The following TDRD3 variants were observed in gnomAD, a reference collection of about 807,000 sequenced individuals.
TDRD3 encodes the protein tudor domain-containing protein 3.
TDRD3 carries 45 observed loss-of-function variants against 86.7 expected under a neutral mutation model. The observed-to-expected ratio is 0.52, with a 90% CI of 0.41 to 0.67. The LOEUF (loss-of-function observed/expected upper bound fraction) is 0.67, where lower values mean the gene tolerates loss of function less well. Among genes scored for constraint, TDRD3 ranks in the 30% least tolerant of loss-of-function variants. The pLI is 0.00. For missense variants in TDRD3, 814 were observed against 889.0 expected (o/e 0.92, Z 1.07); for synonymous variants, 298 against 301.7 (o/e 0.99, Z 0.13).
At chr13:60,396,548 G>A (rs902916141), upstream of TDRD3, 1 of 152,776 alleles carries the variant, frequency 6.5e-6, no homozygotes, top group Non-Finnish European at 1.5e-5. Context: ...ACAGAGCCAA[G>A]GTGGCAGGGC....
chr13:60,496,055 G>A (rs1343545868), intron 8 of TDRD3, among the ~76,000 whole-genome samples: 1 of 151,798 alleles, frequency 6.6e-6, no homozygotes, highest in Non-Finnish European at 1.5e-5. Flanking sequence ...TAATCTGGGT[G>A]AGCACAATCT....
chr13:60,504,764 G>T (rs1465751090), intron 8 of TDRD3, among the ~76,000 whole-genome samples: 1 of 152,192 alleles, frequency 6.6e-6, no homozygotes, highest in East Asian at 1.9e-4. Context: ...GAACTGGTTA[G>T]ACAGTGTGTG....
intron 13 of TDRD3, 81 bp downstream of exon 13, chr13:60,567,731 T>G: frequency 6.4e-7 from 1 of 1,551,646 alleles, no homozygotes; most frequent in Non-Finnish European, 8.7e-7. Flanking sequence ...TTAGTGATTT[T>G]TTTTTCTCTG....
intron 7 of TDRD3, among the ~76,000 whole-genome samples, chr13:60,486,817 C>CT (rs1445134901): frequency 2.6e-5 from 4 of 152,156 alleles, no homozygotes; most frequent in African/African-American, 9.7e-5. Context: ...TATGAGACAA[C>CT]TTTTTTATCT....
intron 5 of TDRD3, among the ~76,000 whole-genome samples, chr13:60,473,593 ATTAT>A (rs977196779): frequency 6.6e-6 from 1 of 152,054 alleles, no homozygotes; most frequent in African/African-American, 2.4e-5. Context: ...AATATCATTA[ATTAT>A]TAGTTTGTAG....
At chr13:60,416,659 G>A (rs1954524388) in intron 1 of TDRD3, among the ~76,000 whole-genome samples, 1 of 152,300 alleles carries the variant, frequency 6.6e-6, no homozygotes, top group African/African-American at 2.4e-5. Context: ...CTACAGTCTG[G>A]CTTGTGCTTC....
chr13:60,534,237 C>T (rs1566281802), intron 11 of TDRD3, among the ~76,000 whole-genome samples: 2 of 152,134 alleles, frequency 1.3e-5, no homozygotes, highest in South Asian at 4.1e-4. Context: ...AACTTGAGCC[C>T]AGGAGTTTGA....
chr13:60,432,513 C>T (rs1364112825), intron 1 of TDRD3, among the ~76,000 whole-genome samples: 1 of 152,052 alleles, frequency 6.6e-6, no homozygotes, highest in Non-Finnish European at 1.5e-5. Flanking sequence ...GTGTCTCTGA[C>T]TAGGTATAGT....
At chr13:60,432,639 A>C (rs1221271433) in intron 1 of TDRD3, among the ~76,000 whole-genome samples, 1 of 152,158 alleles carries the variant, frequency 6.6e-6, no homozygotes, top group African/African-American at 2.4e-5. Context: ...AGATCTTCGT[A>C]TGGGTAATTT....
chr13:60,563,331 G>T (rs1326785015), intron 12 of TDRD3, among the ~76,000 whole-genome samples: 1 of 151,968 alleles, frequency 6.6e-6, no homozygotes, highest in East Asian at 1.9e-4. Flanking sequence ...TAGAGCCCCC[G>T]CCAAATTTCT....
At chr13:60,522,166 A>T (rs547764892) in intron 10 of TDRD3, among the ~76,000 whole-genome samples, 1 of 152,292 alleles carries the variant, frequency 6.6e-6, no homozygotes, top group East Asian at 1.9e-4. Flanking sequence ...GTATTAGAGT[A>T]TGATTTTGAT....
rs111821924 is a variant in TDRD3 at position 60,468,735 on chromosome 13, C to T, written c.495+1356C>T. ...TTTTTTTCTGTTATACCAGAGTAGC[C>T]TTTTTGCAATCTCCAAAGCAGTAGC... On this transcript the variant is annotated intron_variant, in intron 5 of 13. Transcript: ENST00000377881. 3.4e-3 allele frequency among the ~76,000 whole-genome samples: 511 copies of T among 152,172 alleles called. 2 individuals carry two copies. Among genetic ancestry groups the T allele is most frequent in the Admixed American group, 8.6e-3 (132 of 15,278 alleles).
intron 4 of TDRD3, 72 bp from the exon 5 acceptor site, chr13:60,467,166 G>A: frequency 1.3e-6 from 2 of 1,570,952 alleles, no homozygotes; most frequent in Non-Finnish European, 8.7e-7. Context: ...GCCCCGGTCT[G>A]TGTTGTTTCC....
At chr13:60,474,434 C>T (rs906661686) in intron 5 of TDRD3, among the ~76,000 whole-genome samples, 4 of 152,208 alleles carry the variant, frequency 2.6e-5, no homozygotes, top group Non-Finnish European at 5.9e-5. Flanking sequence ...TTTCTACATA[C>T]TCTCATCTCC....
At chr13:60,500,455 G>C (rs565502209) in intron 8 of TDRD3, among the ~76,000 whole-genome samples, 6 of 152,150 alleles carry the variant, frequency 3.9e-5, no homozygotes, top group Non-Finnish European at 8.8e-5. Context: ...GACAGAGGAA[G>C]AGAAGACTGG....
chr13:60,565,094 C>T (rs1346650147), intron 12 of TDRD3, among the ~76,000 whole-genome samples: 1 of 116,676 alleles, frequency 8.6e-6, no homozygotes, highest in Non-Finnish European at 1.6e-5. Context: ...CTCGCTCTGT[C>T]GCCCAGGCCG....
At chr13:60,456,286 C>T (rs1955668495) in intron 3 of TDRD3, among the ~76,000 whole-genome samples, 9 of 152,042 alleles carry the variant, frequency 5.9e-5, no homozygotes, top group Admixed American at 5.9e-4. Context: ...TTAACACAAC[C>T]ATTTAAATCT....
chr13:60,525,124 C>T (rs1566271749), intron 10 of TDRD3, among the ~76,000 whole-genome samples: 1 of 134,006 alleles, frequency 7.5e-6, no homozygotes, highest in Non-Finnish European at 1.6e-5. Context: ...ACAATTTTCA[C>T]TTTCTACCTC....
At chr13:60,424,891 TG>T (rs1433591568) in intron 1 of TDRD3, among the ~76,000 whole-genome samples, 3 of 152,204 alleles carry the variant, frequency 2.0e-5, no homozygotes, top group African/African-American at 7.2e-5. Context: ...ATACAGATTG[TG>T]GCTTTTAATG....
Sources: gnomAD v4.1 joint callset for allele counts (sites outside exome capture counted in the v4.1 genomes callset) on GRCh38, gnomAD v4.1.1 for gene constraint, MANE v1.5 for transcripts, NCBI Gene and HGNC (gene_info 2026-07-23, HGNC 2026-07-21) for gene names.